KCTD1: variants seen among roughly 807,000 people sequenced by gnomAD.
KCTD1 encodes BTB/POZ domain-containing protein KCTD1.
In KCTD1, 24 loss-of-function variants were observed where a neutral mutation model predicts 66.0. That is an observed-to-expected ratio of 0.36 (90% CI 0.26 to 0.51). The LOEUF is 0.51. Among genes scored for constraint, KCTD1 ranks in the 20% least tolerant of loss-of-function variants. KCTD1 has a pLI of 0.95. For missense variants in KCTD1, 943 were observed against 1,205.2 expected (o/e 0.78, Z 3.22); for synonymous variants, 511 against 517.2 (o/e 0.99, Z 0.16).
chr18:26,647,340 C>CCG (rs1555649526), intron 1 of KCTD1, among the ~76,000 whole-genome samples: 5 of 149,526 alleles, frequency 3.3e-5, no homozygotes, highest in East Asian at 2.0e-4. Context: ...AACCCCCCCC[C>CCG]CATCTCTACT....
upstream of KCTD1, among the ~76,000 whole-genome samples, chr18:26,641,792 G>A (rs978767495): frequency 1.3e-5 from 2 of 152,134 alleles, no homozygotes; most frequent in African/African-American, 4.8e-5. Context: ...TCTAATGGCA[G>A]GTATCAGATC....
Position 26,599,258 on chromosome 18 carries a change from T to C in KCTD1, c.-16+29889A>G, listed in dbSNP as rs1021973483. On this transcript the variant is annotated intron_variant, in intron 1 of 4. Transcript: ENST00000317932. ...ATCCAGTTGTTCCAGCAAAAGTTGT[T>C]GAAAAGACTATTCCTTCTCCATTGA... 7 of 640,122 alleles carry C rather than the reference T, an allele frequency of 1.1e-5. No homozygotes were observed. The South Asian group carries it at 1.4e-4, about 13-fold the overall frequency. 39.7% of individuals were successfully genotyped at this position (640,122 alleles called of 1,614,324 possible). A position where few individuals can be genotyped will look rare whatever the true frequency, so the allele number is the denominator to read the frequency against.
intron 2 of KCTD1, among the ~76,000 whole-genome samples, chr18:26,496,925 A>G (rs973057043): frequency 3.3e-5 from 5 of 152,214 alleles, no homozygotes; most frequent in Non-Finnish European, 7.3e-5. Flanking sequence ...ATTCAGAGTC[A>G]GATGGTGAAA....
intron 2 of KCTD1, among the ~76,000 whole-genome samples, chr18:26,480,040 A>ATTTTTTT (rs199551482): frequency 1.1e-4 from 15 of 139,812 alleles, no homozygotes; most frequent in East Asian, 6.7e-4. Flanking sequence ...TGGTTTTGGA[A>ATTTTTTT]TTTTTTTTTT....
intron 3 of KCTD1, among the ~76,000 whole-genome samples, chr18:26,460,297 T>C (rs1980348918): frequency 6.6e-6 from 1 of 152,180 alleles, no homozygotes; most frequent in Admixed American, 6.5e-5. Context: ...GTAGAAAAAA[T>C]GTCTTTGGGT....
chr18:26,655,300 AAGCATGCTTGGT>A (rs1363400560), intron 1 of KCTD1, among the ~76,000 whole-genome samples: 1 of 152,210 alleles, frequency 6.6e-6, no homozygotes, highest in Non-Finnish European at 1.5e-5. Flanking sequence ...AAAACAATCC[AAGCATGCTTGGT>A]ACCCAGAGGG....
intron 1 of KCTD1, among the ~76,000 whole-genome samples, chr18:26,567,364 C>T (rs1986004423): frequency 6.6e-6 from 1 of 152,174 alleles, no homozygotes; most frequent in African/African-American, 2.4e-5. Flanking sequence ...GCAATTCCAG[C>T]ATGCTTTCTT....
At chr18:26,528,654 T>C (rs79551145) in intron 1 of KCTD1, among the ~76,000 whole-genome samples, 3,779 of 152,282 alleles carry the variant, frequency 0.025, 159 homozygotes, top group African/African-American at 0.086. Context: ...TTCTCGCCAA[T>C]ATGGCTTCTG....
At chr18:26,599,774 T>G in intron 1 of KCTD1, 1 of 1,577,918 alleles carries the variant, frequency 6.3e-7, no homozygotes, top group South Asian at 1.1e-5. Context: ...CTTTCTGGTC[T>G]TGTGGAAGTG....
intron 1 of KCTD1, among the ~76,000 whole-genome samples, chr18:26,625,882 A>T (rs934572829): frequency 6.6e-6 from 1 of 152,138 alleles, no homozygotes; most frequent in African/African-American, 2.4e-5. Flanking sequence ...CAGACCATAT[A>T]TTCCCCTTCC....
Position 26,547,392 on chromosome 18 carries a change from C to T in KCTD1, c.1145G>A (p.Gly382Asp), listed in dbSNP as rs764755160. The change falls in exon 1 of 5, where the codon GGC becomes GAC. Residue 382 changes from glycine to aspartate, a missense_variant. This residue lies in a region of KCTD1 where 79 missense variants were observed against 133.9 expected (regional missense o/e 0.59). Coordinates refer to ENST00000580059, the MANE Select transcript of KCTD1 (RefSeq NM_001142730.3). ...EENLPRMYET[G>D]TEFCPYASFV... ...GCTGGCGTAGGGGCAGAACTCGGTG[C>T]CCGTCTCATACATGCGGGGCAAGTT... The T allele has an allele frequency of 3.9e-6, 6 of 1,551,364 alleles. No individual in the cohort carries two copies. In the South Asian group the frequency reaches 7.1e-5, roughly 18 times the overall value.
upstream of KCTD1, among the ~76,000 whole-genome samples, chr18:26,644,806 G>A (rs774360305): frequency 4.6e-5 from 7 of 152,002 alleles, no homozygotes; most frequent in Non-Finnish European, 8.8e-5. Context: ...GCAGGGAAGG[G>A]ACTGCAGACT....
At chr18:26,495,547 T>C (rs1404445396) in intron 2 of KCTD1, among the ~76,000 whole-genome samples, 1 of 151,952 alleles carries the variant, frequency 6.6e-6, no homozygotes, top group Non-Finnish European at 1.5e-5. Context: ...GAAAGTAGAG[T>C]TTCTTGCGTT....
At chr18:26,632,606 G>A (rs867056089), upstream of KCTD1, among the ~76,000 whole-genome samples, 9 of 152,116 alleles carry the variant, frequency 5.9e-5, no homozygotes, top group Non-Finnish European at 1.3e-4. Context: ...GAATTAGTAA[G>A]AGAATACAAG....
rs78523143 is a variant in KCTD1, at chr18:26,613,674, T to A, written c.-16+15473A>T. 4.4e-3 allele frequency among the ~76,000 whole-genome samples: 667 copies of A among 152,378 alleles called. 8 individuals are homozygous for A. The highest frequency in any genetic ancestry group is 0.015 in the African/African-American group (634 of 41,586). ...GTATAAGCTTTATAAATTGTAAAGC[T>A]GTAGACTAATGGCTTTAGTATATCA... On this transcript the variant is annotated intron_variant, in intron 1 of 4. Coordinates refer to the KCTD1 transcript ENST00000317932.
chr18:26,603,123 A>C (rs548780840), intron 1 of KCTD1, among the ~76,000 whole-genome samples: 69 of 152,262 alleles, frequency 4.5e-4, no homozygotes, highest in Admixed American at 4.3e-3. Context: ...AAATCAACTC[A>C]AGATAGATTA....
chr18:26,585,825 C>T (rs746065984), intron 1 of KCTD1, among the ~76,000 whole-genome samples: 14 of 152,162 alleles, frequency 9.2e-5, no homozygotes, highest in Non-Finnish European at 1.8e-4. Context: ...TAATTATAGT[C>T]GAACTTAAAA....
chr18:26,587,303 A>C (rs1490369494), intron 1 of KCTD1, among the ~76,000 whole-genome samples: 1 of 152,224 alleles, frequency 6.6e-6, no homozygotes, highest in Non-Finnish European at 1.5e-5. Context: ...TGGTTTACTG[A>C]ATATTTTAAG....
chr18:26,566,328 G>C (rs370850167), intron 1 of KCTD1: 1 of 152,206 alleles, frequency 6.6e-6, no homozygotes, highest in African/African-American at 2.4e-5. Context: ...ATTCCATAAG[G>C]ACAGTTTCTG....
Sources: gnomAD v4.1 joint callset for allele counts (sites outside exome capture counted in the v4.1 genomes callset) on GRCh38, gnomAD v4.1.1 for gene constraint, gnomAD v4.1.1 regional missense constraint, MANE v1.5 for transcripts, NCBI Gene and HGNC (gene_info 2026-07-23, HGNC 2026-07-21) for gene names.